RFX3: variants seen among roughly 807,000 people sequenced by gnomAD.
RFX3 encodes transcription factor RFX3.
A neutral mutation model predicts 98.6 loss-of-function variants in RFX3; 14 were observed. The observed-to-expected ratio is 0.14, with a 90% CI of 0.09 to 0.22. The LOEUF (loss-of-function observed/expected upper bound fraction) is 0.22. Among genes scored for constraint, RFX3 ranks in the 10% least tolerant of loss-of-function variants. The pLI is 1.00. For synonymous variants in RFX3, 383 were observed against 328.4 expected (o/e 1.17, Z -1.80); for missense variants, 639 against 926.9 (o/e 0.69, Z 4.03).
chr9:3,290,284 C>T (rs564606582), intron 6 of RFX3, among the ~76,000 whole-genome samples: 15 of 151,816 alleles, frequency 9.9e-5, no homozygotes, highest in East Asian at 3.9e-4. Flanking sequence ...AAAGTAAAAG[C>T]GGCAATATTG....
intron 14 of RFX3, among the ~76,000 whole-genome samples, chr9:3,250,653 T>C (rs1286892380): frequency 6.6e-6 from 1 of 152,052 alleles, no homozygotes; most frequent in Non-Finnish European, 1.5e-5. Context: ...ATATTTCTAC[T>C]AATGAGAAAC....
At chr9:3,321,011 T>G (rs1014207406) in intron 4 of RFX3, among the ~76,000 whole-genome samples, 1 of 151,750 alleles carries the variant, frequency 6.6e-6, no homozygotes, top group African/African-American at 2.4e-5. Context: ...AAAGCGATTC[T>G]CCTGCCTCAG....
At chr9:3,314,137 C>A (rs2130559632) in intron 4 of RFX3, among the ~76,000 whole-genome samples, 1 of 152,266 alleles carries the variant, frequency 6.6e-6, no homozygotes, top group East Asian at 1.9e-4. Context: ...GTCGGGTTAC[C>A]CACAAAGGGA....
chr9:3,229,772 GGAT>G (rs1408933119), intron 15 of RFX3, among the ~76,000 whole-genome samples: 1 of 152,172 alleles, frequency 6.6e-6, no homozygotes, highest in Non-Finnish European at 1.5e-5. Context: ...GGCTTAGAAA[GGAT>G]GAGGCAGAAA....
intron 13 of RFX3, among the ~76,000 whole-genome samples, chr9:3,258,128 A>G (rs1822379168): frequency 6.6e-6 from 1 of 152,168 alleles, no homozygotes; most frequent in Non-Finnish European, 1.5e-5. Context: ...ACTAACCTCA[A>G]GCAATTAATT....
chr9:3,433,762 C>T (rs751930619), intron 1 of RFX3, among the ~76,000 whole-genome samples: 1 of 152,168 alleles, frequency 6.6e-6, no homozygotes, highest in Non-Finnish European at 1.5e-5. Flanking sequence ...TACTTGTTTA[C>T]GGACTAGAAC....
chr9:3,270,081 G>GGAAAGAAAGAAAGAAAGAAAGAAAGAAA (rs57222273), intron 11 of RFX3, among the ~76,000 whole-genome samples: 1,865 of 137,812 alleles, frequency 0.014, 37 homozygotes, highest in African/African-American at 0.037. Context: ...AGAGAAAGAA[G>GGAAAGAAAGAAAGAAAGAAAGAAAGAAA]GAAAGAAAGA....
chr9:3,503,793 T>C (rs10123592), intron 1 of RFX3, among the ~76,000 whole-genome samples: 20,295 of 151,932 alleles, frequency 0.13, 2,413 homozygotes, highest in East Asian at 0.57. Flanking sequence ...AACAATGACA[T>C]TGTTTCATAT....
At chr9:3,477,650 C>G (rs1849388833) in intron 1 of RFX3, among the ~76,000 whole-genome samples, 1 of 152,124 alleles carries the variant, frequency 6.6e-6, no homozygotes, top group Non-Finnish European at 1.5e-5. Flanking sequence ...GCTTATTCAA[C>G]TTGGATTACA....
intron 3 of RFX3, among the ~76,000 whole-genome samples, chr9:3,337,354 T>C (rs938839278): frequency 3.3e-5 from 5 of 152,218 alleles, no homozygotes; most frequent in East Asian, 1.9e-4. Context: ...AACTTTTTAA[T>C]ATCTTAGAAA....
intron 15 of RFX3, among the ~76,000 whole-genome samples, chr9:3,236,759 T>G (rs1043633222): frequency 5.9e-5 from 9 of 152,186 alleles, no homozygotes; most frequent in African/African-American, 2.2e-4. Flanking sequence ...TCCACATATG[T>G]GAAAATGTTA....
chr9:3,339,869 C>A (rs1003713049), intron 3 of RFX3, among the ~76,000 whole-genome samples: 1 of 152,040 alleles, frequency 6.6e-6, no homozygotes, highest in Non-Finnish European at 1.5e-5. Flanking sequence ...ATCAAGCTAC[C>A]GATGACTTTC....
intron 1 of RFX3, among the ~76,000 whole-genome samples, chr9:3,503,147 G>A (rs1337131011): frequency 6.6e-6 from 1 of 152,030 alleles, no homozygotes; most frequent in Non-Finnish European, 1.5e-5. Flanking sequence ...CCAGGTACTC[G>A]TCTTCAACAG....
chr9:3,227,654 G>C (rs1817937349), intron 16 of RFX3, among the ~76,000 whole-genome samples: 1 of 152,148 alleles, frequency 6.6e-6, no homozygotes, highest in Non-Finnish European at 1.5e-5. Flanking sequence ...CTAAATTTGG[G>C]TTATGAGGCT....
At chr9:3,373,582 C>T (rs1157171509) in intron 2 of RFX3, among the ~76,000 whole-genome samples, 3 of 152,140 alleles carry the variant, frequency 2.0e-5, no homozygotes, top group Non-Finnish European at 4.4e-5. Flanking sequence ...TCTGTGTTTT[C>T]TCTTCTGTTC....
chr9:3,358,580 C>A (rs1010321222), intron 2 of RFX3, among the ~76,000 whole-genome samples: 6 of 151,954 alleles, frequency 3.9e-5, no homozygotes, highest in Non-Finnish European at 5.9e-5. Flanking sequence ...ACCAAGTTAA[C>A]GAATTGACAA....
chr9:3,460,355 C>G (rs1243686293), intron 1 of RFX3, among the ~76,000 whole-genome samples: 1 of 151,920 alleles, frequency 6.6e-6, no homozygotes, highest in African/African-American at 2.4e-5. Context: ...GAACACAAAT[C>G]CTCTTACACC....
chr9:3,393,876 A>G (rs780070121), intron 2 of RFX3, among the ~76,000 whole-genome samples: 7 of 152,224 alleles, frequency 4.6e-5, no homozygotes, highest in East Asian at 1.9e-4. Context: ...CCTATTGGGT[A>G]CAATGTTCAC....
At chr9:3,377,429 C>T (rs1384468754) in intron 2 of RFX3, among the ~76,000 whole-genome samples, 1 of 152,118 alleles carries the variant, frequency 6.6e-6, no homozygotes, top group Non-Finnish European at 1.5e-5. Flanking sequence ...GAACATCACA[C>T]ACCGGGGCCT....
Sources: allele counts gnomAD v4.1 joint callset (sites outside exome capture counted in the v4.1 genomes callset), GRCh38; gene constraint gnomAD v4.1.1; transcripts MANE v1.5; gene names NCBI Gene and HGNC (gene_info 2026-07-23, HGNC 2026-07-21).